PEAK1: variants seen among roughly 807,000 people sequenced by gnomAD.
The protein encoded by PEAK1 is pseudopodium enriched atypical kinase 1.
In PEAK1, 54 loss-of-function variants were observed where a neutral mutation model predicts 124.7. That is an observed-to-expected ratio of 0.43 (90% CI 0.35 to 0.54). The LOEUF (loss-of-function observed/expected upper bound fraction) is 0.54. Ranked by LOEUF, PEAK1 falls within the 20% of genes least tolerant of loss-of-function variation. The probability of loss-of-function intolerance (pLI) is 0.01; values close to 1 mark genes in which losing one functional copy is unlikely to be tolerated. For synonymous variants in PEAK1, 719 were observed against 760.0 expected (o/e 0.95, Z 0.89); for missense variants, 2,046 against 2,134.5 (o/e 0.96, Z 0.82).
intron 6 of PEAK1, among the ~76,000 whole-genome samples, chr15:77,246,475 C>A (rs1317493476): frequency 6.6e-6 from 1 of 151,964 alleles, no homozygotes; most frequent in East Asian, 1.9e-4. Context: ...AGTGAGCGGT[C>A]TGGACCTCCA....
chr15:77,346,420 T>A (rs1361852109), intron 2 of PEAK1: 1 of 963,702 alleles, frequency 1.0e-6, no homozygotes, highest in Non-Finnish European at 1.2e-6. Context: ...TTTGCTAGGA[T>A]GACAGTGATC....
intron 8 of PEAK1, among the ~76,000 whole-genome samples, chr15:77,145,173 G>C (rs1412447016): frequency 6.6e-6 from 1 of 152,186 alleles, no homozygotes; most frequent in African/African-American, 2.4e-5. Context: ...TTCAGGCCAG[G>C]TGCGGTGGCT....
intron 2 of PEAK1, chr15:77,346,526 G>A (rs148232522): frequency 1.2e-4 from 119 of 985,270 alleles, no homozygotes; most frequent in South Asian, 8.5e-4. Flanking sequence ...TAGGATGTAC[G>A]GGCTCAGACA....
At chr15:77,387,721 T>C (rs756879462) in intron 1 of PEAK1, among the ~76,000 whole-genome samples, 2 of 152,046 alleles carry the variant, frequency 1.3e-5, no homozygotes, top group Non-Finnish European at 2.9e-5. Flanking sequence ...AAACAAGCAA[T>C]AATTATCTTT....
rs2057263879 is a variant in PEAK1, at chr15:77,181,427, C to T, written c.500G>A (p.Gly167Glu). 2 of 1,614,032 alleles carry T rather than the reference C, an allele frequency of 1.2e-6. No individual in the cohort carries two copies. The highest frequency in any genetic ancestry group is 1.7e-6 in the Non-Finnish European group (2 of 1,180,030). ...AGLDTAPQIR[G>E]NETNSRETFL... ...TGTTTCTCTGGAGTTTGTTTCATTT[C>T]CTCTTATCTGAGGGGCAGTATCCAA... The change falls in exon 7 of 10, where the codon GGA becomes GAA. Residue 167 changes from glycine to glutamate, a missense_variant. Physicochemically the swap from Gly to Glu is moderately conservative, Grantham distance 98 (BLOSUM62 -2). Coordinates refer to ENST00000682557, the MANE Select transcript of PEAK1 (RefSeq NM_001385026.1).
intron 1 of PEAK1, among the ~76,000 whole-genome samples, chr15:77,413,595 A>G (rs567321999): frequency 3.3e-5 from 5 of 152,372 alleles, no homozygotes; most frequent in African/African-American, 9.6e-5. Context: ...AAAGACCAAG[A>G]AACTGCCACA....
chr15:77,282,822 C>A (rs541875520), intron 5 of PEAK1, among the ~76,000 whole-genome samples: 1 of 152,162 alleles, frequency 6.6e-6, no homozygotes, highest in South Asian at 2.1e-4. Flanking sequence ...TTTGAAGTTT[C>A]CAGGAAACTA....
At chr15:77,121,368 T>C (rs2051902517) in intron 9 of PEAK1, among the ~76,000 whole-genome samples, 1 of 152,254 alleles carries the variant, frequency 6.6e-6, no homozygotes, top group Non-Finnish European at 1.5e-5. Flanking sequence ...GATCCAGTGC[T>C]GCCATAGGGC....
chr15:77,290,481 G>A (rs2063156990), intron 2 of PEAK1, among the ~76,000 whole-genome samples: 1 of 151,882 alleles, frequency 6.6e-6, no homozygotes, highest in South Asian at 2.1e-4. Context: ...TCAAATTCCT[G>A]ACCTCAAGTG....
At chr15:77,317,939 A>G (rs2064975266) in intron 2 of PEAK1, among the ~76,000 whole-genome samples, 1 of 152,232 alleles carries the variant, frequency 6.6e-6, no homozygotes, top group Non-Finnish European at 1.5e-5. Context: ...CTATATACAA[A>G]TACTGTATGA....
chr15:77,346,586 T>C (rs1198831940), intron 2 of PEAK1: 1 of 985,114 alleles, frequency 1.0e-6, no homozygotes, highest in African/African-American at 1.7e-5. Flanking sequence ...CTCAAGAGGT[T>C]TTTCCCTTCT....
rs557606706 is a variant in PEAK1, at chr15:77,419,284, C to T, written c.-666+722G>A. ...GAAAAAACGAAATCAAGCTCCCAGA[C>T]GGATGGTGCATGCGACGAGAGGGGA... On this transcript the variant is annotated intron_variant, in intron 1 of 9. Transcript: ENST00000682557. The T allele has an allele frequency of 8.1e-6, 8 of 985,346 alleles. No individual in the cohort carries two copies. The South Asian group carries it at 3.8e-4, about 46-fold the overall frequency. 61.0% of individuals were successfully genotyped at this position (985,346 alleles called of 1,614,324 possible).
intron 6 of PEAK1, among the ~76,000 whole-genome samples, chr15:77,200,493 G>C (rs190809951): frequency 2.0e-5 from 3 of 152,204 alleles, no homozygotes; most frequent in Non-Finnish European, 4.4e-5. Context: ...TGTAGCCCCA[G>C]ACCTACTGAA....
At chr15:77,237,474 G>T (rs1178779013) in intron 6 of PEAK1, among the ~76,000 whole-genome samples, 1 of 148,406 alleles carries the variant, frequency 6.7e-6, no homozygotes. Context: ...TGTGGTCTGT[G>T]AACATGGCGC....
intron 1 of PEAK1, among the ~76,000 whole-genome samples, chr15:77,375,860 G>A (rs944765314): frequency 2.0e-5 from 3 of 152,060 alleles, no homozygotes; most frequent in Admixed American, 1.3e-4. Context: ...TTAGCCGGAC[G>A]CGGTGGCGGG....
At chr15:77,419,394 G>GA in intron 1 of PEAK1, 1 of 985,166 alleles carries the variant, frequency 1.0e-6, no homozygotes, top group Non-Finnish European at 1.2e-6. Flanking sequence ...GGGCAGAAAA[G>GA]AAAAAAACTG....
At chr15:77,236,146 G>A (rs1343735876) in intron 6 of PEAK1, among the ~76,000 whole-genome samples, 1 of 152,236 alleles carries the variant, frequency 6.6e-6, no homozygotes, top group Non-Finnish European at 1.5e-5. Flanking sequence ...ACTACTTAGT[G>A]GAGCTGTGAG....
intron 2 of PEAK1, chr15:77,334,279 A>G (rs961453031): frequency 2.0e-6 from 2 of 985,020 alleles, no homozygotes; most frequent in African/African-American, 3.5e-5. Context: ...CTGGTAGATC[A>G]CTTGTGCATA....
At chr15:77,403,341 A>G (rs570498823) in intron 1 of PEAK1, 1 of 935,402 alleles carries the variant, frequency 1.1e-6, no homozygotes, top group South Asian at 4.9e-5. Flanking sequence ...ATAGTAACAT[A>G]TTTTTAGAAA....
Sources: allele counts gnomAD v4.1 joint callset (sites outside exome capture counted in the v4.1 genomes callset), GRCh38; gene constraint gnomAD v4.1.1; transcripts MANE v1.5; gene names NCBI Gene and HGNC (gene_info 2026-07-23, HGNC 2026-07-21).